RSRC1: variants seen among roughly 807,000 people sequenced by gnomAD.
RSRC1 encodes the protein arginine and serine rich coiled-coil 1.
In RSRC1, 39 loss-of-function variants were observed where a neutral mutation model predicts 49.1. The observed-to-expected ratio is 0.79, with a 90% CI of 0.61 to 1.04. RSRC1 has a LOEUF of 1.04. Among genes scored for constraint, RSRC1 ranks in the 50% least tolerant of loss-of-function variants. The probability of loss-of-function intolerance (pLI) is 0.00; values close to 1 mark genes in which losing one functional copy is unlikely to be tolerated. For missense variants in RSRC1, 388 were observed against 402.4 expected (o/e 0.96, Z 0.31); for synonymous variants, 143 against 130.8 (o/e 1.09, Z -0.63).
intron 6 of RSRC1, among the ~76,000 whole-genome samples, chr3:158,440,006 A>G (rs1048086773): frequency 1.3e-5 from 2 of 151,484 alleles, no homozygotes; most frequent in Admixed American, 1.3e-4. Context: ...TGGGACAAAT[A>G]CCTAATGCAT....
intron 4 of RSRC1, among the ~76,000 whole-genome samples, chr3:158,284,635 G>A (rs989210562): frequency 4.1e-4 from 61 of 148,722 alleles, no homozygotes; most frequent in African/African-American, 1.5e-3. Flanking sequence ...GCATTTCTCT[G>A]ATGGCCAGTG....
At chr3:158,217,753 T>C (rs866575604) in intron 4 of RSRC1, among the ~76,000 whole-genome samples, 1 of 97,444 alleles carries the variant, frequency 1.0e-5, no homozygotes, top group Non-Finnish European at 2.2e-5. Context: ...TATGGTCCAG[T>C]GTGTGTGTGT....
At chr3:158,481,875 C>T (rs543213361) in intron 7 of RSRC1, among the ~76,000 whole-genome samples, 1 of 152,062 alleles carries the variant, frequency 6.6e-6, no homozygotes, top group African/African-American at 2.4e-5. Flanking sequence ...AGAATGTGAG[C>T]TGCTAAAGAG....
chr3:158,264,696 G>C (rs1235023584), intron 4 of RSRC1, among the ~76,000 whole-genome samples: 1 of 152,132 alleles, frequency 6.6e-6, no homozygotes, highest in Non-Finnish European at 1.5e-5. Context: ...TAAGTTCCTT[G>C]GAAACAGTTT....
intron 5 of RSRC1, among the ~76,000 whole-genome samples, chr3:158,307,068 C>T (rs906759088): frequency 1.3e-5 from 2 of 150,988 alleles, no homozygotes; most frequent in Admixed American, 6.6e-5. Context: ...AAGCAAGATG[C>T]GAAAGCTTGA....
rs567204740 is a variant in RSRC1 at position 158,529,582 on chromosome 3, T to C, written c.653-7510T>C. Among the ~76,000 whole-genome samples the C allele has an allele frequency of 5.9e-4, 90 of 152,042 alleles. No homozygotes were observed. The South Asian group carries it at 7.5e-3, about 13-fold the overall frequency. On this transcript the variant is annotated intron_variant, in intron 7 of 9. Transcript: ENST00000611884. The stretch of plus-strand genomic sequence containing the variant: ...AGTGCTCAGCGCAGAGTGCCTTAAA[T>C]TTCTATTGCTGTTACTATTACTTAC...
At chr3:158,395,592 G>T (rs1019813636) in intron 6 of RSRC1, among the ~76,000 whole-genome samples, 3 of 151,966 alleles carry the variant, frequency 2.0e-5, no homozygotes, top group African/African-American at 7.2e-5. Context: ...AACTTCACTG[G>T]TTGCTAGAGA....
intron 7 of RSRC1, among the ~76,000 whole-genome samples, chr3:158,470,695 T>C (rs1472372767): frequency 1.8e-4 from 27 of 152,160 alleles, no homozygotes; most frequent in Admixed American, 1.8e-3. Context: ...TGTTTTAAAA[T>C]AGAGAAAGCT....
At chr3:158,136,388 A>G (rs1261268314) in intron 3 of RSRC1, among the ~76,000 whole-genome samples, 1 of 152,180 alleles carries the variant, frequency 6.6e-6, no homozygotes, top group African/African-American at 2.4e-5. Flanking sequence ...GAACTGAACA[A>G]TTACATTGAT....
intron 3 of RSRC1, among the ~76,000 whole-genome samples, chr3:158,145,370 A>G (rs1463165444): frequency 2.6e-5 from 4 of 152,152 alleles, no homozygotes; most frequent in African/African-American, 7.2e-5. Flanking sequence ...TTTTCCCAGC[A>G]CCATTTGTTA....
chr3:158,235,096 A>AC (rs1206285104), intron 4 of RSRC1, among the ~76,000 whole-genome samples: 1 of 152,172 alleles, frequency 6.6e-6, no homozygotes, highest in African/African-American at 2.4e-5. Flanking sequence ...AATAGCCACC[A>AC]CCCAGTAGTA....
intron 7 of RSRC1, among the ~76,000 whole-genome samples, chr3:158,494,294 C>T (rs1345158820): frequency 1.3e-5 from 2 of 152,108 alleles, no homozygotes; most frequent in Non-Finnish European, 2.9e-5. Flanking sequence ...TGTCTCAAAA[C>T]ATAGAAAAGT....
At chr3:158,331,823 CTT>C (rs200224265) in intron 5 of RSRC1, among the ~76,000 whole-genome samples, 8 of 133,950 alleles carry the variant, frequency 6.0e-5, no homozygotes, top group Admixed American at 1.5e-4. Flanking sequence ...GTATAGTGGT[CTT>C]TTTTTTTTTT....
chr3:158,255,002 C>T (rs979216108), intron 4 of RSRC1, among the ~76,000 whole-genome samples: 8 of 152,004 alleles, frequency 5.3e-5, no homozygotes, highest in Non-Finnish European at 1.0e-4. Flanking sequence ...CAAAAATTTT[C>T]TCCCATTCTG....
intron 4 of RSRC1, among the ~76,000 whole-genome samples, chr3:158,218,098 A>G (rs920378294): frequency 2.0e-5 from 3 of 151,666 alleles, no homozygotes; most frequent in African/African-American, 7.3e-5. Flanking sequence ...GGGGCCGGAG[A>G]AACAGATAGG....
chr3:158,489,199 T>TCAAAA, intron 7 of RSRC1, among the ~76,000 whole-genome samples: 1 of 152,382 alleles, frequency 6.6e-6, no homozygotes, highest in East Asian at 1.9e-4. Flanking sequence ...CCTTAATTTT[T>TCAAAA]GAAAACAAAT....
At position 158,155,718 on chromosome 3, in the gene RSRC1, C is replaced by T. The variant is rs78290513; in HGVS notation, c.320+31727C>T. On this transcript the variant is annotated intron_variant, in intron 3 of 9. Transcript: ENST00000611884. The stretch of plus-strand genomic sequence containing the variant: ...TTGACCTCCCAAAGTGCTAGGATTA[C>T]AGGCATGAGCCACCACACCCAGCCA... 2.6e-5 allele frequency among the ~76,000 whole-genome samples: 4 copies of T among 151,522 alleles called. No individual in the cohort carries two copies. The East Asian group carries it at 7.8e-4, about 30-fold the overall frequency.
rs539231134 is a variant in RSRC1 at position 158,499,765 on chromosome 3, A to G, written c.653-37327A>G. On this transcript the variant is annotated intron_variant, in intron 7 of 9. Coordinates refer to ENST00000611884, the MANE Select transcript of RSRC1 (RefSeq NM_001271838.2). ...TTTATCGGTTCTAGGAGCTTTCTGG[A>G]GGAGCCTTTAGGGTTTTCAAGGTAA... Among the ~76,000 whole-genome samples the G allele has an allele frequency of 2.2e-4, 33 of 152,246 alleles. 1 individual carries two copies. The highest frequency in any genetic ancestry group is 2.2e-3 in the Admixed American group (33 of 15,300).
At chr3:158,332,512 T>C (rs1345797118) in intron 5 of RSRC1, among the ~76,000 whole-genome samples, 2 of 152,308 alleles carry the variant, frequency 1.3e-5, no homozygotes, top group Non-Finnish European at 2.9e-5. Flanking sequence ...TAAATATTTC[T>C]TGCAAAACTT....
Sources: allele counts gnomAD v4.1 joint callset (sites outside exome capture counted in the v4.1 genomes callset), GRCh38; gene constraint gnomAD v4.1.1; transcripts MANE v1.5; gene names NCBI Gene and HGNC (gene_info 2026-07-23, HGNC 2026-07-21).